Variants in NAV2 observed in about 807,000 individuals in gnomAD.
The protein encoded by NAV2 is neuron navigator 2, also known as helicase, APC down-regulated 1.
NAV2 carries 54 observed loss-of-function variants against 223.2 expected under a neutral mutation model. That is an observed-to-expected ratio of 0.24 (90% CI 0.19 to 0.30). The LOEUF (loss-of-function observed/expected upper bound fraction) is 0.30. Among genes scored for constraint, NAV2 ranks in the 10% least tolerant of loss-of-function variants. NAV2 has a pLI of 1.00. For synonymous variants in NAV2, 1,279 were observed against 1,239.3 expected (o/e 1.03, Z -0.67); for missense variants, 2,806 against 3,147.5 (o/e 0.89, Z 2.60).
At chr11:19,553,346 A>G (rs2044751139) in intron 1 of NAV2, among the ~76,000 whole-genome samples, 1 of 152,220 alleles carries the variant, frequency 6.6e-6, no homozygotes, top group Non-Finnish European at 1.5e-5. Context: ...CTCTGAAGTC[A>G]GGGGAAATGT....
At chr11:19,830,332 C>A (rs902510965) in intron 1 of NAV2, among the ~76,000 whole-genome samples, 4 of 152,144 alleles carry the variant, frequency 2.6e-5, no homozygotes, top group Non-Finnish European at 5.9e-5. Flanking sequence ...ATGAATAACT[C>A]GATTAACATT....
In NAV2 at chr11:20,010,389, G is replaced by A. The variant is rs149775246; in HGVS notation, c.2769-25570G>A. Among the ~76,000 whole-genome samples the A allele has an allele frequency of 2.7e-3, 409 of 152,308 alleles. 4 individuals carry two copies. The highest frequency in any genetic ancestry group is 9.4e-3 in the African/African-American group (391 of 41,556). On this transcript the variant is annotated intron_variant, in intron 11 of 37. Transcript: ENST00000349880. ...AACACTTAGGTCAATTGGCTTAAAT[G>A]GCACTGCGTCTGCTGTGCAAATAGG...
At chr11:19,706,908 T>C (rs538316171) in intron 1 of NAV2, among the ~76,000 whole-genome samples, 2 of 152,360 alleles carry the variant, frequency 1.3e-5, no homozygotes, top group East Asian at 1.9e-4. Flanking sequence ...CTATATTCTA[T>C]AGCCTATTGC....
Position 20,095,763 on chromosome 11 carries a change from T to G in NAV2, c.6008T>G (p.Phe2003Cys). ...CTCGATGGGGTGGTTAGACGGCTGTTCAAAGTAAGTGTTTCAAGACAACGG... is the reference window on the plus strand; with the variant it reads ...CTCGATGGGGTGGTTAGACGGCTGTGCAAAGTAAGTGTTTCAAGACAACGG... Reference protein sequence around the residue: ...DVLDGVVRRLFKEYIIHVDPV... With the variant: ...DVLDGVVRRLCKEYIIHVDPV... Residue 2003 changes from phenylalanine to cysteine, a missense_variant, in exon 30 of 38, where the codon TTC (phenylalanine) becomes TGC (cysteine). Phe to Cys is a radical substitution (Grantham distance 205). Around this residue, in one of 4 missense-constraint regions of NAV2, gnomAD observed 824 missense variants for 1,069.4 expected, o/e 0.77. Coordinates refer to ENST00000349880, the MANE Select transcript of NAV2 (RefSeq NM_145117.5). 6.2e-7 allele frequency: 1 copy of G among 1,613,100 alleles called. No individual in the cohort carries two copies. The highest frequency in any genetic ancestry group is 8.5e-7 in the Non-Finnish European group (1 of 1,179,100).
Position 19,603,815 on chromosome 11 carries a change from T to C in NAV2, c.76-228669T>C, listed in dbSNP as rs907158971. On this transcript the variant is annotated intron_variant, in intron 1 of 37. Transcript: ENST00000360655. Reference sequence around the variant, plus strand: ...GGAAAATCAAGCAAAGAAAGGGGTATAGTGAGTGATGGAAGGTTTTATATA... The same window carrying C: ...GGAAAATCAAGCAAAGAAAGGGGTACAGTGAGTGATGGAAGGTTTTATATA... 5.9e-5 allele frequency among the ~76,000 whole-genome samples: 9 copies of C among 151,656 alleles called. No homozygotes were observed. The East Asian group carries it at 1.6e-3, about 26-fold the overall frequency.
intron 6 of NAV2, among the ~76,000 whole-genome samples, chr11:19,902,139 G>T (rs1249783290): frequency 2.6e-5 from 4 of 152,254 alleles, no homozygotes; most frequent in Non-Finnish European, 5.9e-5. Context: ...CCTGAGTGAC[G>T]TGCCCAACTG....
At chr11:19,608,172 G>A (rs999018567) in intron 1 of NAV2, among the ~76,000 whole-genome samples, 2 of 152,208 alleles carry the variant, frequency 1.3e-5, no homozygotes, top group African/African-American at 4.8e-5. Flanking sequence ...TGAGAGGCTT[G>A]GGGACTGTTC....
chr11:19,431,649 A>G (rs1183352913), intron 1 of NAV2, among the ~76,000 whole-genome samples: 1 of 152,144 alleles, frequency 6.6e-6, no homozygotes, highest in Non-Finnish European at 1.5e-5. Context: ...TTTGGAATTT[A>G]CAGAGCAGAG....
chr11:19,829,187 C>T lies in NAV2; in HGVS notation c.268-3297C>T, dbSNP rs139877564. On this transcript the variant is annotated intron_variant, in intron 1 of 37. Transcript: ENST00000349880. Reference sequence around the variant, plus strand: ...TCACTCAGCTGATGTTTTAGGTGCACGTGGCTTTAAACTGTAAACTTCATG... The same window carrying T: ...TCACTCAGCTGATGTTTTAGGTGCATGTGGCTTTAAACTGTAAACTTCATG... 2.1e-4 allele frequency among the ~76,000 whole-genome samples: 32 copies of T among 152,294 alleles called. 2 individuals carry two copies. The East Asian group carries it at 5.6e-3, about 27-fold the overall frequency.
chr11:19,397,418 T>TGTGTGTGTGTGTGTGTGTGTGCGCGC (rs57566081), intron 1 of NAV2, among the ~76,000 whole-genome samples: 8 of 145,354 alleles, frequency 5.5e-5, no homozygotes, highest in African/African-American at 2.1e-4. Flanking sequence ...TGTGTGTGTG[T>TGTGTGTGTGTGTGTGTGTGTGCGCGC]GCGCGCATGT....
intron 1 of NAV2, among the ~76,000 whole-genome samples, chr11:19,801,327 C>A (rs539745676): frequency 2.9e-4 from 44 of 152,386 alleles, no homozygotes; most frequent in African/African-American, 1.1e-3. Context: ...TTTGCACTGA[C>A]TGACTGGGTC....
intron 5 of NAV2, among the ~76,000 whole-genome samples, chr11:19,885,550 T>C (rs374001075): frequency 1.3e-5 from 2 of 152,270 alleles, no homozygotes; most frequent in African/African-American, 4.8e-5. Context: ...TTCATTGAAT[T>C]CCATATTCTT....
At chr11:19,894,566 T>G (rs2041796097) in intron 6 of NAV2, among the ~76,000 whole-genome samples, 1 of 152,204 alleles carries the variant, frequency 6.6e-6, no homozygotes, top group Admixed American at 6.5e-5. Flanking sequence ...TGCCCGCCAA[T>G]GCTAGGACAG....
intron 1 of NAV2, among the ~76,000 whole-genome samples, chr11:19,515,816 G>T (rs2043428297): frequency 6.6e-6 from 1 of 152,212 alleles, no homozygotes; most frequent in South Asian, 2.1e-4. Context: ...TAGGACTGTG[G>T]TTGCTTTGAA....
chr11:19,728,612 A>G (rs1270259422), intron 1 of NAV2, among the ~76,000 whole-genome samples: 1 of 152,246 alleles, frequency 6.6e-6, no homozygotes, highest in East Asian at 1.9e-4. Context: ...CCTCATCTGC[A>G]CCACAGGCAC....
chr11:19,502,285 C>T (rs910679558), intron 1 of NAV2, among the ~76,000 whole-genome samples: 7 of 152,096 alleles, frequency 4.6e-5, no homozygotes, highest in African/African-American at 1.7e-4. Flanking sequence ...CCTCAGTTTC[C>T]CTATTTATAA....
chr11:19,352,632 A>C (rs1437272045), intron 1 of NAV2, among the ~76,000 whole-genome samples: 1 of 152,158 alleles, frequency 6.6e-6, no homozygotes, highest in East Asian at 1.9e-4. Flanking sequence ...GCGATTATTA[A>C]ATTTATAATG....
rs2245812 is a variant in NAV2, at chr11:20,105,370, A to G, written c.6645-161A>G. 1.7e-3 allele frequency: 975 copies of G among 574,558 alleles called. 7 individuals are homozygous for G. The highest frequency in any genetic ancestry group is 0.016 in the African/African-American group (853 of 53,380). The allele number at this position is 574,558 out of a possible 1,614,324, so 35.6% of individuals were successfully genotyped here. ...GGGTTGGTATCAGGAACTGTGAGTT[A>G]ATACATAGTTACAATGTTTAGAAGA... is the stretch of plus-strand genomic sequence containing the variant. On this transcript the variant is annotated intron_variant, in intron 34 of 37. Coordinates refer to ENST00000349880, the MANE Select transcript of NAV2 (RefSeq NM_145117.5).
chr11:19,902,197 A>C (rs1483123466), intron 6 of NAV2, among the ~76,000 whole-genome samples: 5 of 152,214 alleles, frequency 3.3e-5, no homozygotes, highest in Admixed American at 2.0e-4. Context: ...CATTACAGTC[A>C]AACATCAAGG....
Sources: allele counts gnomAD v4.1 joint callset (sites outside exome capture counted in the v4.1 genomes callset), GRCh38; gene constraint gnomAD v4.1.1; regional missense constraint gnomAD v4.1.1; transcripts MANE v1.5; gene names NCBI Gene and HGNC (gene_info 2026-07-23, HGNC 2026-07-21).